SH3BP4: variants seen among roughly 807,000 people sequenced by gnomAD.
SH3BP4 encodes SH3 domain-binding protein 4.
In SH3BP4, 33 loss-of-function variants were observed where a neutral mutation model predicts 65.5. That is an observed-to-expected ratio of 0.50 (90% CI 0.38 to 0.67). The LOEUF is 0.67. Among genes scored for constraint, SH3BP4 ranks in the 30% least tolerant of loss-of-function variants. The probability of loss-of-function intolerance (pLI) is 0.00; values close to 1 mark genes in which losing one functional copy is unlikely to be tolerated. For synonymous variants in SH3BP4, 552 were observed against 545.5 expected, an observed-to-expected ratio of 1.01 and a Z score of -0.17; for missense variants, 1,134 against 1,261.4, an observed-to-expected ratio of 0.90 and a Z score of 1.53.
rs1057376664 is a variant in SH3BP4 at position 235,035,054 on chromosome 2, A to G, written c.52A>G (p.Lys18Glu). ...AANSNGLPRCKSEGTLIDLSE... is the reference protein window; with the variant it reads ...AANSNGLPRCESEGTLIDLSE... ...CAACTCCAATGGCCTCCCTCGCTGC[A>G]AGTCAGAGGGGACCCTGATTGACCT... Residue 18 changes from lysine (K) to glutamate (E), a missense_variant, in exon 3 of 6, where the codon AAG becomes GAG. Coordinates refer to ENST00000392011, the MANE Select transcript of SH3BP4 (RefSeq NM_014521.3). The surrounding 1 kb of genome is among the most constrained non-coding windows in gnomAD (Gnocchi z 5.0). The G allele has an allele frequency of 6.2e-7, 1 of 1,614,156 alleles. No homozygotes were observed. The highest frequency in any genetic ancestry group is 1.7e-5 in the Admixed American group (1 of 60,022).
At chr2:234,963,673 G>A (rs897534217) in intron 1 of SH3BP4, among the ~76,000 whole-genome samples, 2 of 152,172 alleles carry the variant, frequency 1.3e-5, no homozygotes, top group South Asian at 2.1e-4. Flanking sequence ...AGGTGTTTCC[G>A]TTGGGAGGTC....
chr2:234,983,975 G>C (rs976577380), intron 1 of SH3BP4, among the ~76,000 whole-genome samples: 14 of 152,346 alleles, frequency 9.2e-5, no homozygotes, highest in African/African-American at 2.6e-4. Context: ...GTGGTAGTTT[G>C]TTACAACATC....
Position 235,041,150 on chromosome 2 carries a change from T to C in SH3BP4, c.381T>C (p.Asn127=). 1 of 1,614,078 alleles carries C rather than the reference T, an allele frequency of 6.2e-7. No homozygotes were observed. Among genetic ancestry groups the C allele is most frequent in the Non-Finnish European group, 8.5e-7 (1 of 1,180,008 alleles). ...TGAGTGACAGCGGTATGATTGATAA[T>C]CTTCCAGACAGCCCAGACGAGGTAG... The part of the protein sequence containing the change: ...STLSDSGMID[N]LPDSPDEVAK... Residue 127 remains asparagine (N), a synonymous_variant, in exon 4 of 6, where the codon AAT becomes AAC. Transcript: ENST00000392011. The surrounding 1 kb of genome is among the most constrained non-coding windows in gnomAD (Gnocchi z 6.0).
intron 2 of SH3BP4, among the ~76,000 whole-genome samples, chr2:235,022,252 A>G (rs1422788984): frequency 3.3e-5 from 5 of 152,206 alleles, no homozygotes; most frequent in African/African-American, 1.2e-4. Flanking sequence ...AAGGTAGGAC[A>G]TAAGAAGTAG....
At chr2:235,021,694 T>C (rs1432706813) in intron 2 of SH3BP4, among the ~76,000 whole-genome samples, 1 of 151,914 alleles carries the variant, frequency 6.6e-6, no homozygotes, top group Non-Finnish European at 1.5e-5. Context: ...GATGGGACTT[T>C]GAAATAGAAT....
At chr2:235,000,474 A>G (rs898201866) in intron 2 of SH3BP4, among the ~76,000 whole-genome samples, 3 of 152,188 alleles carry the variant, frequency 2.0e-5, no homozygotes, top group African/African-American at 7.2e-5. Context: ...AGGGATTAGC[A>G]TGATCCACTG....
chr2:234,964,274 AG>A (rs149723799), intron 1 of SH3BP4, among the ~76,000 whole-genome samples: 8,438 of 152,084 alleles, frequency 0.055, 475 homozygotes, highest in African/African-American at 0.13. Flanking sequence ...GAGGCTGGGG[AG>A]GGGCCCTGAC....
intron 3 of SH3BP4, among the ~76,000 whole-genome samples, chr2:235,040,080 C>G (rs1317298009): frequency 6.6e-6 from 1 of 151,952 alleles, no homozygotes; most frequent in African/African-American, 2.4e-5. Context: ...ACTAAAAATA[C>G]AAAAATTAGC....
chr2:234,982,832 G>A (rs1574790154), intron 1 of SH3BP4, among the ~76,000 whole-genome samples: 1 of 151,498 alleles, frequency 6.6e-6, no homozygotes, highest in Non-Finnish European at 1.5e-5. Context: ...AGAGAACCCC[G>A]AAATGGGGCA....
chr2:235,000,966 A>G (rs1694079428), intron 2 of SH3BP4, among the ~76,000 whole-genome samples: 1 of 152,222 alleles, frequency 6.6e-6, no homozygotes, highest in Non-Finnish European at 1.5e-5. Context: ...GCTCTCAGTA[A>G]ACACAACTTG....
chr2:235,039,340 G>C (rs1278971709), intron 3 of SH3BP4, among the ~76,000 whole-genome samples: 2 of 152,298 alleles, frequency 1.3e-5, no homozygotes, highest in South Asian at 2.1e-4. Context: ...CAAAGGAAAA[G>C]GAAACTGGCA....
Position 234,997,005 on chromosome 2 carries a change from C to T in SH3BP4, c.-133+1629C>T, listed in dbSNP as rs954045418. Among the ~76,000 whole-genome samples, 10 of 133,130 alleles carry T rather than the reference C, an allele frequency of 7.5e-5. No individual in the cohort carries two copies. The East Asian group carries it at 1.2e-3, about 17-fold the overall frequency. 87.3% of individuals were successfully genotyped at this position (133,130 alleles called of 152,430 possible). Reference sequence around the variant, plus strand: ...TGGGAAGAGGAACGGGAGGGTGGGACGGGTGCCGCCATCCCACAGCGGTGC... The same window carrying T: ...TGGGAAGAGGAACGGGAGGGTGGGATGGGTGCCGCCATCCCACAGCGGTGC... On this transcript the variant is annotated intron_variant, in intron 2 of 5. Coordinates refer to ENST00000392011, the MANE Select transcript of SH3BP4 (RefSeq NM_014521.3). This position sits in a 1 kb window ranked among gnomAD's most constrained non-coding sequence, Gnocchi z 4.2.
At chr2:235,011,231 GA>G (rs1694494155) in intron 2 of SH3BP4, among the ~76,000 whole-genome samples, 1 of 149,242 alleles carries the variant, frequency 6.7e-6, no homozygotes, top group Non-Finnish European at 1.5e-5. Context: ...TCTCCTAGGA[GA>G]ACCCTTCCTC....
At position 235,052,457 on chromosome 2, in the gene SH3BP4, T is replaced by G. The variant is rs558701428; in HGVS notation, c.2479-105T>G. The G allele has an allele frequency of 5.4e-5, 45 of 828,746 alleles. No individual in the cohort carries two copies. The African/African-American group carries it at 7.6e-4, about 14-fold the overall frequency. 51.3% of individuals were successfully genotyped at this position (828,746 alleles called of 1,614,324 possible). ...GTAGTAGGCCAGGGAACATGGAGAA[T>G]AGAGAGCCCATGGCCATTCCTGCGC... is the stretch of plus-strand genomic sequence containing the variant. On this transcript the variant is annotated intron_variant, in intron 4 of 5. Coordinates refer to ENST00000392011, the MANE Select transcript of SH3BP4 (RefSeq NM_014521.3). This position sits in a 1 kb window ranked among gnomAD's most constrained non-coding sequence, Gnocchi z 5.0.
chr2:235,000,715 C>G (rs13406232), intron 2 of SH3BP4, among the ~76,000 whole-genome samples: 26,428 of 152,140 alleles, frequency 0.17, 3,353 homozygotes, highest in East Asian at 0.44. Context: ...CTTGAAAGAT[C>G]ACAGAGCCCA....
intron 1 of SH3BP4, among the ~76,000 whole-genome samples, chr2:234,990,538 G>A (rs1166681034): frequency 6.6e-6 from 1 of 152,202 alleles, no homozygotes; most frequent in Non-Finnish European, 1.5e-5. Flanking sequence ...TATTCCCTGG[G>A]AACTCATGCG....
chr2:234,971,096 A>G (rs1378744215), intron 1 of SH3BP4, among the ~76,000 whole-genome samples: 2 of 152,214 alleles, frequency 1.3e-5, no homozygotes, highest in Non-Finnish European at 2.9e-5. Flanking sequence ...CAGTTGCCTT[A>G]GTGTTGTACA....
At position 235,041,636 on chromosome 2, in the gene SH3BP4, C is replaced by T; in HGVS notation, c.867C>T (p.Asn289=). 1 of 1,614,028 alleles carries T rather than the reference C, an allele frequency of 6.2e-7. No homozygotes were observed. Among genetic ancestry groups the T allele is most frequent in the Non-Finnish European group, 8.5e-7 (1 of 1,180,032 alleles). The change falls in exon 4 of 6, where the codon AAC becomes AAT. Residue 289 remains asparagine, a synonymous_variant. Transcript: ENST00000392011. This position sits in a 1 kb window ranked among gnomAD's most constrained non-coding sequence, Gnocchi z 6.0. ...AGGATTTTCGAACTGCCTGGCTAAA[C>T]CACAGGAAGCTGGCCCGGTCTTGCC... ...SREDFRTAWL[N]HRKLARSCHD...
chr2:235,041,664 G>T lies in SH3BP4; in HGVS notation c.895G>T (p.Asp299Tyr), dbSNP rs139219220. The T allele has an allele frequency of 1.2e-6, 2 of 1,613,730 alleles. No homozygotes were observed. The highest frequency in any genetic ancestry group is 8.5e-7 in the Non-Finnish European group (1 of 1,179,844). Residue 299 changes from aspartate (D) to tyrosine (Y), a missense_variant, in exon 4 of 6, where the codon GAC becomes TAC. Physicochemically the swap from Asp to Tyr is radical, Grantham distance 160. Coordinates refer to ENST00000392011, the MANE Select transcript of SH3BP4 (RefSeq NM_014521.3). The surrounding 1 kb of genome is among the most constrained non-coding windows in gnomAD (Gnocchi z 6.0). ...CAGGAAGCTGGCCCGGTCTTGCCAC[G>T]ACCTGGACTTGCTTGGCCAAAGCCC... ...NHRKLARSCH[D>Y]LDLLGQSPGW...
Sources: allele counts gnomAD v4.1 joint callset (sites outside exome capture counted in the v4.1 genomes callset), GRCh38; gene constraint gnomAD v4.1.1; non-coding constraint Gnocchi (gnomAD v3.1); transcripts MANE v1.5; gene names NCBI Gene and HGNC (gene_info 2026-07-23, HGNC 2026-07-21).